Variants in PLCG1 observed in about 807,000 individuals in gnomAD.
The protein encoded by PLCG1 is 1-phosphatidylinositol 4,5-bisphosphate phosphodiesterase gamma-1.
PLCG1 carries 71 observed loss-of-function variants against 177.8 expected under a neutral mutation model. The observed-to-expected ratio is 0.40, with a 90% CI of 0.33 to 0.49. The LOEUF is 0.49. Among genes scored for constraint, PLCG1 ranks in the 20% least tolerant of loss-of-function variants. The pLI is 0.72. For missense variants in PLCG1, 1,281 were observed against 1,709.0 expected, an observed-to-expected ratio of 0.75 and a Z score of 4.42; for synonymous variants, 658 against 647.9, an observed-to-expected ratio of 1.02 and a Z score of -0.24.
In PLCG1 at chr20:41,159,496, G is replaced by A. The variant is rs1178439723; in HGVS notation, c.218-110G>A. ...CTGAGTGGTCTTGGCTCTGCCTCTGGGGTTCCTCCCTGAGAGAGAGTGTAA... is the reference window on the plus strand; with the variant it reads ...CTGAGTGGTCTTGGCTCTGCCTCTGAGGTTCCTCCCTGAGAGAGAGTGTAA... On this transcript the variant is annotated intron_variant, in intron 1 of 31. Transcript: ENST00000685551. This position sits in a 1 kb window ranked among gnomAD's most constrained non-coding sequence, Gnocchi z 6.0. 9.0e-7 allele frequency: 1 copy of A among 1,115,000 alleles called. No homozygotes were observed. Among genetic ancestry groups the A allele is most frequent in the Non-Finnish European group, 1.3e-6 (1 of 776,554 alleles). 69.1% of individuals were successfully genotyped at this position (1,115,000 alleles called of 1,614,324 possible).
rs1244200727 is a variant in PLCG1 at position 41,173,058 on chromosome 20, G to A, written c.3279+181G>A. 3.9e-5 allele frequency among the ~76,000 whole-genome samples: 6 copies of A among 152,198 alleles called. No individual in the cohort carries two copies. The South Asian group carries it at 8.3e-4, about 21-fold the overall frequency. ...TGCAGTCACTGTATGCATCTAGGAC[G>A]TGCAGAGCCATGGTGTGACTTGTTC... On this transcript the variant is annotated intron_variant, in intron 27 of 31. Transcript: ENST00000685551. This position sits in a 1 kb window ranked among gnomAD's most constrained non-coding sequence, Gnocchi z 6.2.
rs940534537 is a variant in PLCG1 at position 41,162,552 on chromosome 20, G to A, written c.597+16G>A. The A allele has an allele frequency of 2.5e-6, 4 of 1,612,880 alleles. No homozygotes were observed. The African/African-American group carries it at 4.0e-5, about 16-fold the overall frequency. ...GCGGCTGACGGTAAGTGCCACCCAGGGCTGTCTGTAGATGGGGGCAGGGGA... is the reference window on the plus strand; with the variant it reads ...GCGGCTGACGGTAAGTGCCACCCAGAGCTGTCTGTAGATGGGGGCAGGGGA... On this transcript the variant is annotated intron_variant, in intron 5 of 31. Transcript: ENST00000685551.
Position 41,173,668 on chromosome 20 carries a change from C to T in PLCG1, c.3411C>T (p.Asn1137=). 6.2e-7 allele frequency: 1 copy of T among 1,614,226 alleles called. No individual in the cohort carries two copies. The highest frequency in any genetic ancestry group is 8.5e-7 in the Non-Finnish European group (1 of 1,180,036). Reference sequence around the variant, plus strand: ...CCTTCACAGTGGACAATGGACTCAACCCTGTATGGCCAGCCAAGCCCTTCC... The same window carrying T: ...CCTTCACAGTGGACAATGGACTCAATCCTGTATGGCCAGCCAAGCCCTTCC... ...KTEFVVDNGL[N]PVWPAKPFHF... is the part of the protein sequence containing the mutation. Residue 1137 remains asparagine, a synonymous_variant, in exon 29 of 32, where the codon AAC becomes AAT. Coordinates refer to ENST00000685551, the MANE Select transcript of PLCG1 (RefSeq NM_002660.3). The surrounding 1 kb of genome is among the most constrained non-coding windows in gnomAD (Gnocchi z 6.2).
chr20:41,143,315 C>G (rs1377904834), intron 1 of PLCG1, among the ~76,000 whole-genome samples: 1 of 152,176 alleles, frequency 6.6e-6, no homozygotes, highest in African/African-American at 2.4e-5. Flanking sequence ...GATGTGGCTT[C>G]AAGGAGACCA....
rs1257805021 is a variant in PLCG1 at position 41,172,327 on chromosome 20, G to A, written c.2905+38G>A. Reference sequence around the variant, plus strand: ...GCCCAGGCGGGGTGTGCATGTGCCTGGAGGGCCTGGTGGGTGCAAAAAGAG... The same window carrying A: ...GCCCAGGCGGGGTGTGCATGTGCCTAGAGGGCCTGGTGGGTGCAAAAAGAG... On this transcript the variant is annotated intron_variant, in intron 25 of 31. Transcript: ENST00000685551. This position sits in a 1 kb window ranked among gnomAD's most constrained non-coding sequence, Gnocchi z 7.0. The A allele has an allele frequency of 1.9e-6, 3 of 1,582,596 alleles. No homozygotes were observed. The highest frequency in any genetic ancestry group is 2.6e-6 in the Non-Finnish European group (3 of 1,151,266).
In PLCG1 at chr20:41,166,462, C is replaced by G. The variant is rs2035696722; in HGVS notation, c.2001-14C>G. The G allele has an allele frequency of 2.5e-6, 4 of 1,613,842 alleles. No homozygotes were observed. The highest frequency in any genetic ancestry group is 2.5e-6 in the Non-Finnish European group (3 of 1,180,022). ...TGGGTGGTGCTGGCCGGGCCTGACT[C>G]TGCCTGTTCTCAGGTGGTACCACGC... On this transcript the variant is annotated splice_polypyrimidine_tract_variant and intron_variant, in intron 17 of 31. Transcript: ENST00000685551. The surrounding 1 kb of genome is among the most constrained non-coding windows in gnomAD (Gnocchi z 8.6).
intron 1 of PLCG1, among the ~76,000 whole-genome samples, chr20:41,140,025 G>A (rs1844714848): frequency 6.6e-6 from 1 of 152,164 alleles, no homozygotes; most frequent in Admixed American, 6.5e-5. Context: ...GTGCAGAGAG[G>A]GGATGATTTA....
Position 41,164,468 on chromosome 20 carries a change from A to G in PLCG1, c.1217+267A>G, listed in dbSNP as rs2035616220. Among the ~76,000 whole-genome samples, 1 of 152,054 alleles carries G rather than the reference A, an allele frequency of 6.6e-6. No homozygotes were observed. Among genetic ancestry groups the G allele is most frequent in the Non-Finnish European group, 1.5e-5 (1 of 68,010 alleles). ...GAACACATGCTCTTCTCATCTTCAG[A>G]AAACATGCCCTGGTTTCTTTAGGCC... On this transcript the variant is annotated intron_variant, in intron 12 of 31. Coordinates refer to ENST00000685551, the MANE Select transcript of PLCG1 (RefSeq NM_002660.3). This position sits in a 1 kb window ranked among gnomAD's most constrained non-coding sequence, Gnocchi z 6.4.
Position 41,137,683 on chromosome 20 carries a change from C to A in PLCG1, c.42C>A (p.Pro14=). Residue 14 remains proline, a synonymous_variant, in exon 1 of 32, where the codon CCC becomes CCA. Transcript: ENST00000685551. The surrounding 1 kb of genome is among the most constrained non-coding windows in gnomAD (Gnocchi z 7.3). ...AASPCANGCG[P]GAPSDAEVLH... ...CCCCTTGCGCCAACGGCTGCGGGCCCGGCGCGCCCTCGGACGCCGAGGTGC... is the reference window on the plus strand; with the variant it reads ...CCCCTTGCGCCAACGGCTGCGGGCCAGGCGCGCCCTCGGACGCCGAGGTGC... 1 of 1,321,872 alleles carries A rather than the reference C, an allele frequency of 7.6e-7. No homozygotes were observed. The highest frequency in any genetic ancestry group is 2.4e-5 in the South Asian group (1 of 41,864). The allele number at this position is 1,321,872 out of a possible 1,614,324, so 81.9% of individuals were successfully genotyped here.
intron 1 of PLCG1, among the ~76,000 whole-genome samples, chr20:41,155,459 G>T (rs1378881580): frequency 1.3e-5 from 2 of 152,196 alleles, no homozygotes; most frequent in African/African-American, 4.8e-5. Context: ...CTTTGGGGAT[G>T]CACGTGCCTC....
chr20:41,165,967 T>A lies in PLCG1; in HGVS notation c.1799+141T>A. 1 of 703,792 alleles carries A rather than the reference T, an allele frequency of 1.4e-6. No homozygotes were observed. Among genetic ancestry groups the A allele is most frequent in the South Asian group, 1.9e-5 (1 of 53,424 alleles). 43.6% of individuals were successfully genotyped at this position (703,792 alleles called of 1,614,324 possible). A position where few individuals can be genotyped will look rare whatever the true frequency, so the allele number is the denominator to read the frequency against. ...TACATGGAACATAATTTCACCTACA[T>A]ACACACACACACTCTCTGTCTCACC... On this transcript the variant is annotated intron_variant, in intron 16 of 31. Transcript: ENST00000685551. This position sits in a 1 kb window ranked among gnomAD's most constrained non-coding sequence, Gnocchi z 6.6.
chr20:41,147,318 G>A lies in PLCG1; in HGVS notation c.217+9460G>A, dbSNP rs527309942. On this transcript the variant is annotated intron_variant, in intron 1 of 31. Coordinates refer to ENST00000685551, the MANE Select transcript of PLCG1 (RefSeq NM_002660.3). The surrounding 1 kb of genome is among the most constrained non-coding windows in gnomAD (Gnocchi z 4.0). The stretch of plus-strand genomic sequence containing the variant: ...CTTTTGAGGCCAGCAGTGAAACACA[G>A]AGCATTCCCTCCAGTGAGAACAGAA... Among the ~76,000 whole-genome samples the A allele has an allele frequency of 6.6e-6, 1 of 152,338 alleles. No homozygotes were observed. The highest frequency in any genetic ancestry group is 1.9e-4 in the East Asian group (1 of 5,194).
At chr20:41,162,386 T>C in intron 4 of PLCG1, 66 bp from the exon 5 acceptor site, 1 of 1,287,422 alleles carries the variant, frequency 7.8e-7, no homozygotes, top group South Asian at 1.2e-5. Flanking sequence ...CCAGGTGGGC[T>C]CGACCCACAG....
At chr20:41,145,523 T>C (rs3795128) in intron 1 of PLCG1, among the ~76,000 whole-genome samples, 88,223 of 151,968 alleles carry the variant, frequency 0.58, 26,903 homozygotes, top group East Asian at 0.82. Context: ...TTGAGCTGCC[T>C]GCTGAGCCTA....
Position 41,167,892 on chromosome 20 carries a change from G to A in PLCG1, c.2342G>A (p.Gly781Asp). Residue 781 changes from glycine to aspartate, a missense_variant, in exon 20 of 32, where the codon GGC (glycine) becomes GAC (aspartate). By Grantham distance (94) the Gly-to-Asp change is moderately conservative (BLOSUM62 -1). Transcript: ENST00000685551. This position sits in a 1 kb window ranked among gnomAD's most constrained non-coding sequence, Gnocchi z 4.4. ...GCCCTGTATGAGGGACGCAACCCTG[G>A]CTTCTATGTAGAGGCAAACCCTATG... is the stretch of plus-strand genomic sequence containing the variant. ...YGALYEGRNP[G>D]FYVEANPMPT... 1 of 1,613,952 alleles carries A rather than the reference G, an allele frequency of 6.2e-7. No individual in the cohort carries two copies. Among genetic ancestry groups the A allele is most frequent in the Non-Finnish European group, 8.5e-7 (1 of 1,179,922 alleles).
chr20:41,169,501 C>G lies in PLCG1; in HGVS notation c.2625C>G (p.Val875=). The stretch of plus-strand genomic sequence containing the variant: ...CCCTAGGGGACTTGCTGCGGGGGGT[C>G]TTGGATGTGCCGGCTTGTCAGATTG... ...NSPLGDLLRG[V]LDVPACQIAI... The change falls in exon 23 of 32, where the codon GTC becomes GTG. Residue 875 remains valine (V), a synonymous_variant. Coordinates refer to ENST00000685551, the MANE Select transcript of PLCG1 (RefSeq NM_002660.3). 1.9e-6 allele frequency: 3 copies of G among 1,613,664 alleles called. No homozygotes were observed. The highest frequency in any genetic ancestry group is 2.5e-6 in the Non-Finnish European group (3 of 1,179,666).
At position 41,164,477 on chromosome 20, in the gene PLCG1, C is replaced by T. The variant is rs998601975; in HGVS notation, c.1217+276C>T. Among the ~76,000 whole-genome samples the T allele has an allele frequency of 6.6e-6, 1 of 152,066 alleles. No individual in the cohort carries two copies. The highest frequency in any genetic ancestry group is 1.5e-5 in the Non-Finnish European group (1 of 68,014). ...CTCTTCTCATCTTCAGAAAACATGCCCTGGTTTCTTTAGGCCAGTGTCCTG... is the reference window on the plus strand; with the variant it reads ...CTCTTCTCATCTTCAGAAAACATGCTCTGGTTTCTTTAGGCCAGTGTCCTG... On this transcript the variant is annotated intron_variant, in intron 12 of 31. Coordinates refer to ENST00000685551, the MANE Select transcript of PLCG1 (RefSeq NM_002660.3). The surrounding 1 kb of genome is among the most constrained non-coding windows in gnomAD (Gnocchi z 6.4).
intron 1 of PLCG1, among the ~76,000 whole-genome samples, chr20:41,142,778 G>A (rs2034869417): frequency 6.6e-6 from 1 of 152,182 alleles, no homozygotes; most frequent in Non-Finnish European, 1.5e-5. Context: ...GTGAGGATTT[G>A]ATGAGAACCT....
Position 41,166,070 on chromosome 20 carries a change from C to A in PLCG1, c.1800-124C>A. ...CATGTGACTGCCCACACCTGAGCTC[C>A]TCAGGAGATTGGCCTCCCTCCTTGA... On this transcript the variant is annotated intron_variant, in intron 16 of 31. Coordinates refer to ENST00000685551, the MANE Select transcript of PLCG1 (RefSeq NM_002660.3). This position sits in a 1 kb window ranked among gnomAD's most constrained non-coding sequence, Gnocchi z 8.6. 1 of 844,792 alleles carries A rather than the reference C, an allele frequency of 1.2e-6. No homozygotes were observed. Among genetic ancestry groups the A allele is most frequent in the Middle Eastern group, 2.5e-4 (1 of 3,968 alleles). The allele number at this position is 844,792 out of a possible 1,614,324, so 52.3% of individuals were successfully genotyped here. A position where few individuals can be genotyped will look rare whatever the true frequency, so the allele number is the denominator to read the frequency against.
Sources: allele counts gnomAD v4.1 joint callset (sites outside exome capture counted in the v4.1 genomes callset), GRCh38; gene constraint gnomAD v4.1.1; non-coding constraint Gnocchi (gnomAD v3.1); transcripts MANE v1.5; gene names NCBI Gene and HGNC (gene_info 2026-07-23, HGNC 2026-07-21).